Variants in MYO18B observed in about 807,000 individuals in gnomAD.
MYO18B encodes myosin XVIIIB.
Under a neutral mutation model 273.0 loss-of-function variants are expected in MYO18B, and 204 were observed. The ratio of observed to expected loss-of-function variants is 0.75; its 90% CI spans 0.67 to 0.84. The LOEUF is 0.84. MYO18B is among the 40% of genes least tolerant of loss of function. The pLI is 0.00. For missense variants in MYO18B, 3,212 were observed against 3,287.6 expected, an observed-to-expected ratio of 0.98 and a Z score of 0.56; for synonymous variants, 1,330 against 1,305.7, an observed-to-expected ratio of 1.02 and a Z score of -0.40.
chr22:25,886,678 GA>G (rs1258252503), intron 25 of MYO18B, among the ~76,000 whole-genome samples: 1 of 152,176 alleles, frequency 6.6e-6, no homozygotes, highest in African/African-American at 2.4e-5. Flanking sequence ...GTTCTAGGTG[GA>G]TAATTGCTTT....
At chr22:26,061,362 A>T in the MYO18B span, among the ~76,000 whole-genome samples, 7 of 152,088 alleles carry the variant, frequency 4.6e-5, no homozygotes, top group Admixed American at 2.0e-4. Context: ...TGGCCATAGC[A>T]CCAAAGTCCT....
At chr22:25,787,309 C>CACACACACACACACACAG (rs57856007) in intron 11 of MYO18B, among the ~76,000 whole-genome samples, 219 of 144,768 alleles carry the variant, frequency 1.5e-3, no homozygotes, top group African/African-American at 5.2e-3. Context: ...CACACACACA[C>CACACACACACACACACAG]AGTCTGTCTT....
At chr22:25,869,292 A>T (rs28507976) in intron 22 of MYO18B, among the ~76,000 whole-genome samples, 3 of 151,950 alleles carry the variant, frequency 2.0e-5, no homozygotes, top group African/African-American at 7.2e-5. Flanking sequence ...TCTACAAAAA[A>T]TTTAAAAATT....
chr22:25,790,221 C>G (rs1213836846), intron 11 of MYO18B, among the ~76,000 whole-genome samples: 1 of 152,210 alleles, frequency 6.6e-6, no homozygotes, highest in Non-Finnish European at 1.5e-5. Context: ...GGACGTGGTT[C>G]ACCGAACTGC....
At chr22:25,855,564 G>A (rs1050823070) in intron 21 of MYO18B, among the ~76,000 whole-genome samples, 20 of 152,214 alleles carry the variant, frequency 1.3e-4, no homozygotes, top group African/African-American at 4.6e-4. Context: ...ACAGGTGTGA[G>A]CCACTGCGCC....
chr22:26,017,025 T>TTTCCTTCC (rs59617056), intron 42 of MYO18B, among the ~76,000 whole-genome samples: 1,481 of 124,164 alleles, frequency 0.012, 29 homozygotes, highest in African/African-American at 0.019. Context: ...ATTAGGCTAA[T>TTTCCTTCC]TTCCTTCCTT....
At chr22:25,899,421 G>T (rs1380928085) in intron 29 of MYO18B, 2 of 152,188 alleles carry the variant, frequency 1.3e-5, no homozygotes, top group Non-Finnish European at 2.9e-5. Flanking sequence ...ACAGAAAAAT[G>T]TTCCTGTGTG....
At chr22:25,889,501 T>C (rs1041602294) in intron 25 of MYO18B, among the ~76,000 whole-genome samples, 1 of 151,878 alleles carries the variant, frequency 6.6e-6, no homozygotes, top group East Asian at 1.9e-4. Context: ...CAGGAGGGAA[T>C]GTCCAAGGTG....
chr22:25,760,761 G>A (rs1468596642), intron 1 of MYO18B, among the ~76,000 whole-genome samples: 4 of 152,244 alleles, frequency 2.6e-5, no homozygotes, highest in Non-Finnish European at 4.4e-5. Context: ...GTATAAACGT[G>A]TGGGGCCAAG....
intron 41 of MYO18B, 56 bp downstream of exon 41, chr22:26,003,365 T>G: frequency 2.0e-6 from 3 of 1,500,052 alleles, no homozygotes; most frequent in Non-Finnish European, 1.8e-6. Flanking sequence ...CCTGGCTCTC[T>G]CTGTCCAGTT....
At chr22:26,052,407 T>A in the MYO18B span, among the ~76,000 whole-genome samples, 1 of 152,336 alleles carries the variant, frequency 6.6e-6, no homozygotes, top group Admixed American at 6.5e-5. Flanking sequence ...TTGTGTCATT[T>A]TATAGGTTGG....
At chr22:25,860,949 C>T (rs2090715593) in intron 21 of MYO18B, among the ~76,000 whole-genome samples, 2 of 151,554 alleles carry the variant, frequency 1.3e-5, no homozygotes, top group Admixed American at 1.3e-4. Flanking sequence ...AGTGCAGTGG[C>T]ACGATTATGG....
At chr22:25,833,911 A>G (rs1424654082) in intron 16 of MYO18B, among the ~76,000 whole-genome samples, 1 of 152,020 alleles carries the variant, frequency 6.6e-6, no homozygotes, top group Non-Finnish European at 1.5e-5. Context: ...CTCTTGGCAC[A>G]CAGTGGGCTG....
At chr22:25,750,459 T>G (rs922751740) in intron 1 of MYO18B, among the ~76,000 whole-genome samples, 1 of 152,100 alleles carries the variant, frequency 6.6e-6, no homozygotes, top group African/African-American at 2.4e-5. Flanking sequence ...TCCAGCATCC[T>G]TTTTTTCCCT....
In MYO18B at chr22:25,947,812, A is replaced by G; in HGVS notation, c.5732A>G (p.Lys1911Arg). ...DDLNELMQKH[K>R]DLIAQSAADI... ...CTGAATGAGCTGATGCAGAAGCACAAGGACCTCATTGCTCAGGTAGTGAAT... is the reference window on the plus strand; with the variant it reads ...CTGAATGAGCTGATGCAGAAGCACAGGGACCTCATTGCTCAGGTAGTGAAT... The change falls in exon 36 of 44, where the codon AAG becomes AGG. Residue 1911 changes from lysine to arginine, a missense_variant. Physicochemically the swap from Lys to Arg is conservative, Grantham distance 26 (BLOSUM62 2). Coordinates refer to ENST00000335473, the MANE Select transcript of MYO18B (RefSeq NM_032608.7). The G allele has an allele frequency of 1.2e-6, 2 of 1,613,790 alleles. No homozygotes were observed. The highest frequency in any genetic ancestry group is 1.7e-6 in the Non-Finnish European group (2 of 1,179,762).
At chr22:25,805,367 G>C (rs2088421672) in intron 12 of MYO18B, among the ~76,000 whole-genome samples, 1 of 152,212 alleles carries the variant, frequency 6.6e-6, no homozygotes, top group South Asian at 2.1e-4. Flanking sequence ...AAAAAGGATG[G>C]TCAAAGGACA....
chr22:25,777,904 C>G (rs2086978810), intron 8 of MYO18B, 123 bp downstream of exon 8: 1 of 938,526 alleles, frequency 1.1e-6, no homozygotes, highest in Non-Finnish European at 1.5e-6. Flanking sequence ...TATGTGCAGA[C>G]CCCATGCTTG....
chr22:25,867,328 C>G (rs1020338963), intron 21 of MYO18B, among the ~76,000 whole-genome samples: 1 of 152,134 alleles, frequency 6.6e-6, no homozygotes, highest in Non-Finnish European at 1.5e-5. Context: ...TCTTTATTCT[C>G]CATGAATTTG....
intron 13 of MYO18B, among the ~76,000 whole-genome samples, chr22:25,825,209 G>A (rs1008132361): frequency 2.6e-5 from 4 of 152,164 alleles, no homozygotes; most frequent in African/African-American, 7.2e-5. Flanking sequence ...GGTCTCAAGA[G>A]TAGACATTAA....
Sources: allele counts gnomAD v4.1 joint callset (sites outside exome capture counted in the v4.1 genomes callset), GRCh38; gene constraint gnomAD v4.1.1; transcripts MANE v1.5; gene names NCBI Gene and HGNC (gene_info 2026-07-23, HGNC 2026-07-21).